The following NEB variants were observed in gnomAD, a reference collection of about 807,000 sequenced individuals.
The protein encoded by NEB is nemaline myopathy type 2.
Under a neutral mutation model 952.2 loss-of-function variants are expected in NEB, and 512 were observed. The observed-to-expected ratio is 0.54, with a 90% CI of 0.50 to 0.58. The LOEUF (loss-of-function observed/expected upper bound fraction) is 0.58, where lower values mean the gene tolerates loss of function less well. NEB is among the 20% of genes least tolerant of loss of function. The pLI is 0.00. For missense variants in NEB, 8,428 were observed against 9,231.1 expected (o/e 0.91, Z 3.56); for synonymous variants, 2,900 against 3,149.8 (o/e 0.92, Z 2.66).
rs769345284 is a variant in NEB at position 151,537,898 on chromosome 2, G to A, written c.21076C>T (p.Arg7026Ter). The A allele has an allele frequency of 1.6e-5, 25 of 1,611,682 alleles. No homozygotes were observed. Among genetic ancestry groups the A allele is most frequent in the East Asian group, 4.5e-5 (2 of 44,804 alleles). The change falls in exon 140 of 182, where the codon CGA becomes TGA. Residue 7026 changes from arginine (R) to a stop codon, truncating the protein, a stop_gained. Coordinates refer to ENST00000397345, the MANE Select transcript of NEB (RefSeq NM_001164508.2). LOFTEE classifies it high-confidence loss of function. ...TCACTGACTGTGTCAGTGACTGCTC[G>A]GTGGTGGAAATGCTCTGGACGATCA... ...IPDRPEHFHH[R>*]AVTDTVSDVK...
chr2:151,695,655 C>G lies in NEB; in HGVS notation c.1597G>C (p.Glu533Gln). 6.2e-7 allele frequency: 1 copy of G among 1,613,766 alleles called. No individual in the cohort carries two copies. The highest frequency in any genetic ancestry group is 2.2e-5 in the East Asian group (1 of 44,860). Residue 533 changes from glutamate to glutamine, a missense_variant, in exon 18 of 182, where the codon GAA becomes CAA. Physicochemically the swap from Glu to Gln is conservative, Grantham distance 29. Transcript: ENST00000397345. ...DLNYKAKHES[E>Q]KFKCHIPPDT... ...GGGGGGATATGGCACTTGAACTTTT[C>G]ACTTTCATGTTTTGCTTTGTAATTT...
At chr2:151,518,552 G>A in intron 155 of NEB, 130 bp from the exon 156 acceptor site, 1 of 670,848 alleles carries the variant, frequency 1.5e-6, no homozygotes, top group South Asian at 2.0e-5. Flanking sequence ...ACACTAAACA[G>A]GAGGTTAAGA....
Position 151,540,690 on chromosome 2 carries a change from A to G in NEB, c.20787+7T>C, listed in dbSNP as rs1559707605. ...CCCAGTGCCTCAGTGCTGAATTCCC[A>G]TCTTACCTCACTGACCATGTCCTTC... On this transcript the variant is annotated splice_region_variant and intron_variant, in intron 137 of 181. Coordinates refer to ENST00000397345, the MANE Select transcript of NEB (RefSeq NM_001164508.2). 6.2e-7 allele frequency: 1 copy of G among 1,611,328 alleles called. No homozygotes were observed. Among genetic ancestry groups the G allele is most frequent in the East Asian group, 2.2e-5 (1 of 44,844 alleles).
chr2:151,690,679 A>T (rs753076994), intron 24 of NEB, 48 bp downstream of exon 24: 8 of 1,336,432 alleles, frequency 6.0e-6, no homozygotes, highest in African/African-American at 1.5e-5. Context: ...ATTTTAAATG[A>T]GCAAAGCACT....
chr2:151,568,205 T>G (rs755814962), intron 112 of NEB, 27 bp from the exon 113 acceptor site: 3 of 1,604,562 alleles, frequency 1.9e-6, no homozygotes, highest in Middle Eastern at 1.7e-4. Context: ...CCATAAAGGG[T>G]TAAAATGAGG....
rs2070777706 is a variant in NEB, at chr2:151,508,114, G to C, written c.23347-5C>G. On this transcript the variant is annotated splice_polypyrimidine_tract_variant and splice_region_variant and intron_variant, in intron 161 of 181. Transcript: ENST00000397345. ...AGCATCTTCCTTGTACTTTTTCTGG[G>C]AATAGATTCCAAGAAATAAGGAGGG... 3 of 1,587,980 alleles carry C rather than the reference G, an allele frequency of 1.9e-6. No homozygotes were observed.
rs775307383 is a variant in NEB, at chr2:151,514,450, A to G, written c.23017-22T>C. The G allele has an allele frequency of 5.2e-6, 8 of 1,524,356 alleles. No homozygotes were observed. The East Asian group carries it at 1.8e-4, about 34-fold the overall frequency. 94.4% of individuals were successfully genotyped at this position (1,524,356 alleles called of 1,614,324 possible). A position where few individuals can be genotyped will look rare whatever the true frequency, so the allele number is the denominator to read the frequency against. ...CTTTCTATATCATGAAAGAAAAGCA[A>G]CAACATTGACAAGAAAGCCCAGATT... is the stretch of plus-strand genomic sequence containing the variant. On this transcript the variant is annotated intron_variant, in intron 158 of 181. Transcript: ENST00000397345.
chr2:151,574,497 A>T (rs990191339), intron 107 of NEB, among the ~76,000 whole-genome samples: 3 of 152,156 alleles, frequency 2.0e-5, no homozygotes, highest in African/African-American at 7.2e-5. Context: ...CTAAGATTTT[A>T]TTTTTAAAAA....
In NEB at chr2:151,568,405, T is replaced by G; in HGVS notation, c.17647A>C (p.Lys5883Gln). The G allele has an allele frequency of 1.3e-6, 2 of 1,589,650 alleles. No individual in the cohort carries two copies. Among genetic ancestry groups the G allele is most frequent in the Non-Finnish European group, 8.5e-7 (1 of 1,171,630 alleles). ...TTTGATTTGGTGGCATTCCAGTCTT[T>G]CCGGTATTTAATCTAAAAAAAAAAA... The part of the protein sequence containing the change: ...GEILDDIKYR[K>Q]DWNATKSKYT... The change falls in exon 112 of 182, where the codon AAA becomes CAA. Residue 5883 changes from lysine to glutamine, a missense_variant. Transcript: ENST00000397345.
chr2:151,716,084 TAA>T, intron 10 of NEB: 1 of 407,974 alleles, frequency 2.5e-6, no homozygotes, highest in Middle Eastern at 3.6e-4. Flanking sequence ...TCCAAAAAGA[TAA>T]ATTGTCCTTC....
intron 141 of NEB, among the ~76,000 whole-genome samples, 198 bp from the exon 142 acceptor site, chr2:151,535,993 G>A (rs79570201): frequency 0.044 from 6,758 of 152,116 alleles, 402 homozygotes; most frequent in East Asian, 0.19. Flanking sequence ...TGCAACCTCC[G>A]CCTCCCAGGC....
chr2:151,680,003 C>T lies in NEB; in HGVS notation c.3062G>A (p.Gly1021Glu), dbSNP rs1466923997. The T allele has an allele frequency of 6.2e-7, 1 of 1,611,974 alleles. No individual in the cohort carries two copies. The highest frequency in any genetic ancestry group is 1.7e-5 in the Admixed American group (1 of 60,008). Residue 1021 changes from glycine (G) to glutamate (E), a missense_variant, in exon 31 of 182, where the codon GGA (glycine) becomes GAA (glutamate). Gly to Glu is a moderately conservative substitution (Grantham distance 98, BLOSUM62 -2). Coordinates refer to ENST00000397345, the MANE Select transcript of NEB (RefSeq NM_001164508.2). ...QRSDIAYKAK[G>E]EEIIHKYNLP... ...GTTGTATTTGTGAATAATTTCCTCT[C>T]CTTTGGCTTTGTAAGCGATCTGAAA...
At chr2:151,667,038 TA>T (rs574074536) in intron 40 of NEB, among the ~76,000 whole-genome samples, 65 of 146,922 alleles carry the variant, frequency 4.4e-4, no homozygotes, top group South Asian at 2.2e-3. Context: ...ACTTAATTTG[TA>T]AAAAAAAAAA....
chr2:151,692,142 T>G lies in NEB; in HGVS notation c.2023A>C (p.Lys675Gln), dbSNP rs767593840. The G allele has an allele frequency of 6.2e-7, 1 of 1,613,818 alleles. No homozygotes were observed. The highest frequency in any genetic ancestry group is 1.1e-5 in the South Asian group (1 of 91,070). ...CCTACATAATGTCCCAAAACATCCT[T>G]TACATATAAGTCTTTATATCTAGCC... ...SEARYKDLYV[K>Q]DVLGHYVGSM... The change falls in exon 22 of 182, where the codon AAG becomes CAG. Residue 675 changes from lysine (K) to glutamine (Q), a missense_variant. By Grantham distance (53) the Lys-to-Gln change is moderately conservative (BLOSUM62 1). Around this residue, in one of 11 missense-constraint regions of NEB, gnomAD observed 2,851 missense variants for 2,791.5 expected, o/e 1.02. Transcript: ENST00000397345.
At chr2:151,619,163 T>C (rs774928925) in intron 73 of NEB, among the ~76,000 whole-genome samples, 8 of 152,222 alleles carry the variant, frequency 5.3e-5, no homozygotes, top group Non-Finnish European at 8.8e-5. Context: ...TGCAGTGATA[T>C]ATTTTTAAGG....
At chr2:151,495,210 C>T (rs1467978043) in intron 173 of NEB, 1 of 152,150 alleles carries the variant, frequency 6.6e-6, no homozygotes, top group African/African-American at 2.4e-5. Flanking sequence ...AAATCCTCAA[C>T]CTCGGTATCT....
chr2:151,704,516 C>G (rs4410290), intron 13 of NEB, among the ~76,000 whole-genome samples: 1 of 151,750 alleles, frequency 6.6e-6, no homozygotes, highest in African/African-American at 2.4e-5. Context: ...AGCGAGACTC[C>G]GTGGGCGTAG....
Position 151,563,881 on chromosome 2 carries a change from AG to A in NEB, c.18520del (p.Leu6174TrpfsTer17). On this transcript the variant is annotated frameshift_variant, in exon 118 of 182. Transcript: ENST00000397345. LOFTEE classifies it high-confidence loss of function. ...WEGTKAYGYT[L>X]DERYIPIVGA... is the part of the protein sequence containing the mutation. ...AACAATGGGAATGTAGCGCTCATCC[AG>A]GGTGTAGCCATAGGCCTTGGTGCCC... The A allele has an allele frequency of 6.2e-7, 1 of 1,612,782 alleles. No individual in the cohort carries two copies. The highest frequency in any genetic ancestry group is 1.1e-5 in the South Asian group (1 of 90,916).
intron 38 of NEB, 45 bp downstream of exon 38, chr2:151,670,978 G>T: frequency 1.9e-6 from 3 of 1,553,580 alleles, no homozygotes; most frequent in South Asian, 1.1e-5. Context: ...GCTCAGACAC[G>T]TGTGGTTATT....
Sources: allele counts gnomAD v4.1 joint callset (sites outside exome capture counted in the v4.1 genomes callset), GRCh38; gene constraint gnomAD v4.1.1; regional missense constraint gnomAD v4.1.1; transcripts MANE v1.5; gene names NCBI Gene and HGNC (gene_info 2026-07-23, HGNC 2026-07-21).